ST3GAL4: variants seen among roughly 807,000 people sequenced by gnomAD.
ST3GAL4 encodes ST3 beta-galactoside alpha-2,3-sialyltransferase 4, also known as CMP-N-acetylneuraminate-beta-galactosamide-alpha-2,3-sialyltransferase 4.
ST3GAL4 carries 24 observed loss-of-function variants against 42.6 expected under a neutral mutation model. That is an observed-to-expected ratio of 0.56 (90% CI 0.41 to 0.79). ST3GAL4 has a LOEUF of 0.79. ST3GAL4 is among the 30% of genes least tolerant of loss of function. The pLI is 0.00. For missense variants in ST3GAL4, 311 were observed against 430.8 expected, an observed-to-expected ratio of 0.72 and a Z score of 2.46; for synonymous variants, 135 against 163.2, an observed-to-expected ratio of 0.83 and a Z score of 1.32.
At chr11:126,380,799 T>TGACTGGTGACCTCCACC (rs1952968316) in intron 1 of ST3GAL4, among the ~76,000 whole-genome samples, 1 of 152,188 alleles carries the variant, frequency 6.6e-6, no homozygotes, top group Non-Finnish European at 1.5e-5. Flanking sequence ...GGAGCTTCCC[T>TGACTGGTGACCTCCACC]GACTGGTGAC....
Position 126,411,203 on chromosome 11 carries a change from T to G in ST3GAL4, c.771+1792T>G, listed in dbSNP as rs1163735704. ...CTCTGTCACCCAGGCTGGAGTGCAG[T>G]GGGGTGATCTTGGCTCACTGCAACC... On this transcript the variant is annotated intron_variant, in intron 9 of 10. Transcript: ENST00000444328. The surrounding 1 kb of genome is among the most constrained non-coding windows in gnomAD (Gnocchi z 6.3). Among the ~76,000 whole-genome samples, 2 of 151,632 alleles carry G rather than the reference T, an allele frequency of 1.3e-5. No homozygotes were observed. The highest frequency in any genetic ancestry group is 2.9e-5 in the Non-Finnish European group (2 of 67,918).
chr11:126,407,713 C>T (rs1204153183), intron 6 of ST3GAL4, 79 bp downstream of exon 6: 3 of 1,396,094 alleles, frequency 2.1e-6, no homozygotes, highest in East Asian at 2.4e-5. Flanking sequence ...CTCCCCACCC[C>T]CCCGCTCTGT....
chr11:126,356,194 A>G (rs906146444), intron 1 of ST3GAL4: 5 of 152,308 alleles, frequency 3.3e-5, no homozygotes, highest in African/African-American at 1.2e-4. Flanking sequence ...TTCTCCCACA[A>G]CTACCCCGGT....
rs1423223405 is a variant in ST3GAL4 at position 126,400,626 on chromosome 11, G to A, written c.-60-5470G>A. Among the ~76,000 whole-genome samples the A allele has an allele frequency of 6.6e-6, 1 of 152,230 alleles. No homozygotes were observed. ...CTTGGCTTCATGTAAGGAGTGCGGAGTGAGTGAAGCAAGAGGGTGATTTGA... is the reference window on the plus strand; with the variant it reads ...CTTGGCTTCATGTAAGGAGTGCGGAATGAGTGAAGCAAGAGGGTGATTTGA... On this transcript the variant is annotated intron_variant, in intron 1 of 10. Transcript: ENST00000444328. The surrounding 1 kb of genome is among the most constrained non-coding windows in gnomAD (Gnocchi z 4.6).
rs111958228 is a variant in ST3GAL4 at position 126,391,936 on chromosome 11, CGTGTGT to C, written c.-60-14129_-60-14124del. On this transcript the variant is annotated intron_variant, in intron 1 of 10. Transcript: ENST00000444328. The surrounding 1 kb of genome is among the most constrained non-coding windows in gnomAD (Gnocchi z 5.5). ...CTCAGAACACCTGTGATAACTTGGT[CGTGTGT>C]GTGTGTGTGTGTGTGTGTGTGTGTG... Among the ~76,000 whole-genome samples, 133 of 144,474 alleles carry C rather than the reference CGTGTGT, an allele frequency of 9.2e-4. 1 individual carries two copies. The South Asian group carries it at 0.011, about 12-fold the overall frequency. 94.8% of individuals were successfully genotyped at this position (144,474 alleles called of 152,430 possible). A position where few individuals can be genotyped will look rare whatever the true frequency, so the allele number is the denominator to read the frequency against.
chr11:126,406,623 A>G lies in ST3GAL4; in HGVS notation c.101+66A>G, dbSNP rs1954245260. ...GGACAGGGCTTAGGGATGGAGCATC[A>G]TGGAGCGGGGGACCTAGTAGGGCAG... On this transcript the variant is annotated intron_variant, in intron 3 of 10. Coordinates refer to ENST00000444328, the MANE Select transcript of ST3GAL4 (RefSeq NM_001254757.2). This position sits in a 1 kb window ranked among gnomAD's most constrained non-coding sequence, Gnocchi z 5.4. The G allele has an allele frequency of 6.5e-7, 1 of 1,543,796 alleles. No homozygotes were observed. Among genetic ancestry groups the G allele is most frequent in the Non-Finnish European group, 8.8e-7 (1 of 1,135,030 alleles).
At chr11:126,367,513 C>G (rs966712485) in intron 1 of ST3GAL4, among the ~76,000 whole-genome samples, 7 of 152,188 alleles carry the variant, frequency 4.6e-5, no homozygotes, top group African/African-American at 1.7e-4. Flanking sequence ...AAGGGAGGAC[C>G]AGGTGTCGCT....
Position 126,382,080 on chromosome 11 carries a change from C to A in ST3GAL4, c.-60-24016C>A, listed in dbSNP as rs532876862. Among the ~76,000 whole-genome samples the A allele has an allele frequency of 1.7e-3, 262 of 152,246 alleles. 3 individuals carry two copies. The highest frequency in any genetic ancestry group is 9.7e-4 in the Non-Finnish European group (66 of 68,038). ...CCCACTCTGTGACCAGACGTTCTCT[C>A]CTGAGCATCGCTGACCCTGCAGCTG... On this transcript the variant is annotated intron_variant, in intron 1 of 10. Transcript: ENST00000444328.
At chr11:126,401,805 G>A (rs1954008184) in intron 1 of ST3GAL4, among the ~76,000 whole-genome samples, 3 of 152,080 alleles carry the variant, frequency 2.0e-5, no homozygotes, top group African/African-American at 7.3e-5. Flanking sequence ...AACAAGAGTG[G>A]AGGGAGTGGC....
chr11:126,364,358 G>GA (rs530878822), intron 1 of ST3GAL4, among the ~76,000 whole-genome samples: 2 of 147,934 alleles, frequency 1.4e-5, no homozygotes, highest in Non-Finnish European at 3.0e-5. Flanking sequence ...GAGAGGAGGA[G>GA]AGGGTGGGAG....
intron 1 of ST3GAL4, chr11:126,375,023 T>C (rs1039560228): frequency 4.6e-5 from 7 of 152,082 alleles, no homozygotes; most frequent in African/African-American, 1.7e-4. Context: ...CTGGACAGGC[T>C]GTGGAATGTG....
In ST3GAL4 at chr11:126,384,779, G is replaced by A; in HGVS notation, c.-60-21317G>A. On this transcript the variant is annotated intron_variant, in intron 1 of 10. Coordinates refer to ENST00000444328, the MANE Select transcript of ST3GAL4 (RefSeq NM_001254757.2). This position sits in a 1 kb window ranked among gnomAD's most constrained non-coding sequence, Gnocchi z 5.5. ...ATCTGAGTCGAGGGCAGGACAGAGT[G>A]GGAGTGGCAGTGCCTCTGCCTGTCT... is the stretch of plus-strand genomic sequence containing the variant. 3.0e-6 allele frequency: 3 copies of A among 985,428 alleles called. No homozygotes were observed. The highest frequency in any genetic ancestry group is 3.6e-6 in the Non-Finnish European group (3 of 829,932). The allele number at this position is 985,428 out of a possible 1,614,324, so 61.0% of individuals were successfully genotyped here. A position where few individuals can be genotyped will look rare whatever the true frequency, so the allele number is the denominator to read the frequency against.
chr11:126,394,617 G>A lies in ST3GAL4; in HGVS notation c.-60-11479G>A, dbSNP rs113911471. On this transcript the variant is annotated intron_variant, in intron 1 of 10. Transcript: ENST00000444328. The stretch of plus-strand genomic sequence containing the variant: ...TTTTTGTATTTTTTATAGAGATGGG[G>A]TTTCACCATGATGCCCAGGCTGTTC... Among the ~76,000 whole-genome samples the A allele has an allele frequency of 7.5e-3, 1,136 of 152,098 alleles. 13 individuals carry two copies. The highest frequency in any genetic ancestry group is 0.023 in the African/African-American group (950 of 41,456).
chr11:126,389,330 T>C (rs1953378224), intron 1 of ST3GAL4, among the ~76,000 whole-genome samples: 1 of 152,194 alleles, frequency 6.6e-6, no homozygotes, highest in Non-Finnish European at 1.5e-5. Context: ...CATATGACGT[T>C]AGATTTTTTT....
chr11:126,392,307 T>G lies in ST3GAL4; in HGVS notation c.-60-13789T>G. The stretch of plus-strand genomic sequence containing the variant: ...GCAGCTCTCCTGGGACTGCACAGAG[T>G]TTACTGTCGGACATCAGTTCTGATA... On this transcript the variant is annotated intron_variant, in intron 1 of 10. Transcript: ENST00000444328. This position sits in a 1 kb window ranked among gnomAD's most constrained non-coding sequence, Gnocchi z 5.8. 1.0e-6 allele frequency: 1 copy of G among 985,796 alleles called. No individual in the cohort carries two copies. The highest frequency in any genetic ancestry group is 1.2e-6 in the Non-Finnish European group (1 of 829,914). 61.1% of individuals were successfully genotyped at this position (985,796 alleles called of 1,614,324 possible).
Position 126,414,189 on chromosome 11 carries a change from C to T in ST3GAL4, c.*142C>T, listed in dbSNP as rs960113182. 16 of 778,686 alleles carry T rather than the reference C, an allele frequency of 2.1e-5. No individual in the cohort carries two copies. Among genetic ancestry groups the T allele is most frequent in the Non-Finnish European group, 3.3e-5 (15 of 457,698 alleles). The allele number at this position is 778,686 out of a possible 1,614,324, so 48.2% of individuals were successfully genotyped here. A position where few individuals can be genotyped will look rare whatever the true frequency, so the allele number is the denominator to read the frequency against. On this transcript the variant is annotated 3_prime_UTR_variant, in exon 11 of 11. Coordinates refer to ENST00000444328, the MANE Select transcript of ST3GAL4 (RefSeq NM_001254757.2). ...GAGGGAGTTCTGGGCCTGGCCAGGT[C>T]TGAGATGAGGCCATGCCCCTGGCTG...
chr11:126,409,886 T>C lies in ST3GAL4; in HGVS notation c.771+475T>C, dbSNP rs1311993513. Among the ~76,000 whole-genome samples, 1 of 152,144 alleles carries C rather than the reference T, an allele frequency of 6.6e-6. No homozygotes were observed. The highest frequency in any genetic ancestry group is 1.5e-5 in the Non-Finnish European group (1 of 68,028). ...GGTGTGTCAATTCAGGGAGTCAATG[T>C]AGTTTTGCAAGTTATGGGTTTTTGT... On this transcript the variant is annotated intron_variant, in intron 9 of 10. Coordinates refer to ENST00000444328, the MANE Select transcript of ST3GAL4 (RefSeq NM_001254757.2). This position sits in a 1 kb window ranked among gnomAD's most constrained non-coding sequence, Gnocchi z 4.9.
chr11:126,374,589 G>A (rs1160563253), intron 1 of ST3GAL4, among the ~76,000 whole-genome samples: 1 of 152,134 alleles, frequency 6.6e-6, no homozygotes, highest in Non-Finnish European at 1.5e-5. Context: ...AGCATGCCTA[G>A]GTAGCCCCCT....
rs201737003 is a variant in ST3GAL4, at chr11:126,412,104, C to CG, written c.772-1395dup. On this transcript the variant is annotated intron_variant, in intron 9 of 10. Coordinates refer to ENST00000444328, the MANE Select transcript of ST3GAL4 (RefSeq NM_001254757.2). Reference sequence around the variant, plus strand: ...TCTAGCTTGGACAGCCGGTAGGGGGCGGGGGGTGGTAACATATTTAACTAA... The same window carrying CG: ...TCTAGCTTGGACAGCCGGTAGGGGGCGGGGGGGTGGTAACATATTTAACTAA... 8.0e-4 allele frequency among the ~76,000 whole-genome samples: 121 copies of CG among 151,760 alleles called. 2 individuals carry two copies. In the East Asian group the frequency reaches 0.02, roughly 26 times the overall value.
Sources: allele counts gnomAD v4.1 joint callset (sites outside exome capture counted in the v4.1 genomes callset), GRCh38; gene constraint gnomAD v4.1.1; non-coding constraint Gnocchi (gnomAD v3.1); transcripts MANE v1.5; gene names NCBI Gene and HGNC (gene_info 2026-07-23, HGNC 2026-07-21).